Variants in UCHL5 observed in about 807,000 individuals in gnomAD.
UCHL5 encodes ubiquitin carboxyl-terminal hydrolase isozyme L5.
In UCHL5, 34 loss-of-function variants were observed where a neutral mutation model predicts 53.8. The observed-to-expected ratio is 0.63, with a 90% CI of 0.48 to 0.84. The LOEUF (loss-of-function observed/expected upper bound fraction) is 0.84. Among genes scored for constraint, UCHL5 ranks in the 40% least tolerant of loss-of-function variants. UCHL5 has a pLI of 0.00. For synonymous variants in UCHL5, 111 were observed against 126.3 expected, an observed-to-expected ratio of 0.88 and a Z score of 0.81; for missense variants, 290 against 385.6, an observed-to-expected ratio of 0.75 and a Z score of 2.08.
At chr1:193,020,346 T>C (rs774017751) in intron 10 of UCHL5, 11 of 1,547,274 alleles carry the variant, frequency 7.1e-6, no homozygotes, top group Non-Finnish European at 9.6e-6. Context: ...CAAAATTTTA[T>C]TTGCCTAGTA....
At chr1:193,026,060 C>T (rs141893304) in intron 7 of UCHL5, among the ~76,000 whole-genome samples, 1,711 of 147,488 alleles carry the variant, frequency 0.012, 15 homozygotes, top group South Asian at 0.034. Context: ...TTTGAACCAC[C>T]GGTGCCTGAG....
At chr1:193,033,822 T>C (rs1662404718) in intron 3 of UCHL5, among the ~76,000 whole-genome samples, 1 of 152,104 alleles carries the variant, frequency 6.6e-6, no homozygotes, top group Non-Finnish European at 1.5e-5. Context: ...GAAATTTTAA[T>C]AGGGGTTTGA....
At chr1:193,049,904 C>A in intron 2 of UCHL5, 53 bp from the exon 3 acceptor site, 1 of 1,421,302 alleles carries the variant, frequency 7.0e-7, no homozygotes, top group Non-Finnish European at 9.5e-7. Context: ...TTTCATAATA[C>A]ATTGTTAATC....
chr1:193,033,606 T>G (rs1662310486), intron 3 of UCHL5, among the ~76,000 whole-genome samples: 1 of 152,016 alleles, frequency 6.6e-6, no homozygotes, highest in Admixed American at 6.6e-5. Flanking sequence ...AATTTTAAAT[T>G]TTTTAATAGT....
At chr1:193,024,930 T>C (rs1222505685) in intron 7 of UCHL5, among the ~76,000 whole-genome samples, 3 of 152,168 alleles carry the variant, frequency 2.0e-5, no homozygotes, top group Non-Finnish European at 4.4e-5. Flanking sequence ...TCCCTATCCC[T>C]GCCAGTAAGT....
chr1:193,053,550 A>G (rs1299090287), intron 1 of UCHL5, among the ~76,000 whole-genome samples: 2 of 152,248 alleles, frequency 1.3e-5, no homozygotes, highest in Non-Finnish European at 2.9e-5. Context: ...CGCTGATTCC[A>G]GAGACCTACA....
At position 193,059,133 on chromosome 1, in the gene UCHL5, CT is replaced by C. The variant is rs1480216743; in HGVS notation, c.76+51del. The stretch of plus-strand genomic sequence containing the variant: ...CCGCAGGGAACCACTCCATGCCCAG[CT>C]TGGGCCTCCTCCCGTGACCCCAGGC... On this transcript the variant is annotated intron_variant, in intron 1 of 10. Coordinates refer to ENST00000367454, the MANE Select transcript of UCHL5 (RefSeq NM_001199261.3). This position sits in a 1 kb window ranked among gnomAD's most constrained non-coding sequence, Gnocchi z 4.9. 7 of 1,485,106 alleles carry C rather than the reference CT, an allele frequency of 4.7e-6. No individual in the cohort carries two copies. Among genetic ancestry groups the C allele is most frequent in the Non-Finnish European group, 6.3e-6 (7 of 1,111,210 alleles). 92.0% of individuals were successfully genotyped at this position (1,485,106 alleles called of 1,614,324 possible).
At chr1:193,059,747 C>T (rs959864589), upstream of UCHL5, 6 of 1,354,654 alleles carry the variant, frequency 4.4e-6, no homozygotes, top group Admixed American at 2.0e-5. This position sits in a 1 kb window ranked among gnomAD's most constrained non-coding sequence, Gnocchi z 4.9. Flanking sequence ...GGCGGCGCTG[C>T]GGATCCAGGG....
chr1:193,021,020 A>C (rs2102302401), intron 10 of UCHL5, 77 bp downstream of exon 10: 1 of 1,162,570 alleles, frequency 8.6e-7, no homozygotes, highest in South Asian at 1.4e-5. Flanking sequence ...CCTCTATTCA[A>C]GCAAAAAATA....
chr1:193,036,906 AT>A (rs1663714251), intron 3 of UCHL5, among the ~76,000 whole-genome samples: 4 of 152,054 alleles, frequency 2.6e-5, no homozygotes, highest in African/African-American at 9.7e-5. Flanking sequence ...TAAATGATGA[AT>A]AGGCCAATAA....
Position 193,050,306 on chromosome 1 carries a change from C to T in UCHL5, c.141-455G>A, listed in dbSNP as rs550422370. ...CCTCATATTGCAGTATGAATTGATG[C>T]TACCATCTCATACATAATGAAATCA... On this transcript the variant is annotated intron_variant, in intron 2 of 10. Transcript: ENST00000367454. Among the ~76,000 whole-genome samples the T allele has an allele frequency of 5.8e-4, 89 of 152,260 alleles. 1 individual carries two copies. Among genetic ancestry groups the T allele is most frequent in the Middle Eastern group, 3.4e-3 (1 of 294 alleles).
chr1:193,053,894 A>G (rs889829594), intron 1 of UCHL5, among the ~76,000 whole-genome samples: 4 of 152,196 alleles, frequency 2.6e-5, no homozygotes, highest in African/African-American at 9.7e-5. Context: ...AAATGTCACA[A>G]TCTGGTAGGA....
intron 10 of UCHL5, chr1:193,020,545 C>T: frequency 7.8e-7 from 1 of 1,280,996 alleles, no homozygotes; most frequent in South Asian, 2.4e-5. Flanking sequence ...AACTTAAAAA[C>T]AATTTAACTG....
chr1:193,027,973 G>GA lies in UCHL5; in HGVS notation c.629+111dup, dbSNP rs749245426. ...ACCCGTCTCTACGAAAAATTAAAAA[G>GA]AAAAAAAAAAGTAGATGTTCAATGC... On this transcript the variant is annotated intron_variant, in intron 7 of 10. Coordinates refer to ENST00000367454, the MANE Select transcript of UCHL5 (RefSeq NM_001199261.3). 10,074 of 1,301,718 alleles carry GA rather than the reference G, an allele frequency of 7.7e-3. 1 individual carries two copies. Among genetic ancestry groups the GA allele is most frequent in the East Asian group, 0.022 (730 of 32,490 alleles). The allele number at this position is 1,301,718 out of a possible 1,614,324, so 80.6% of individuals were successfully genotyped here. A position where few individuals can be genotyped will look rare whatever the true frequency, so the allele number is the denominator to read the frequency against.
intron 3 of UCHL5, among the ~76,000 whole-genome samples, chr1:193,043,645 G>C (rs879505369): frequency 2.0e-4 from 31 of 151,922 alleles, no homozygotes; most frequent in Non-Finnish European, 4.1e-4. Context: ...TTAGGGTGGG[G>C]GTATTGGGTC....
chr1:193,032,026 TTC>T lies in UCHL5; in HGVS notation c.247-2371_247-2370del, dbSNP rs1340820819. Among the ~76,000 whole-genome samples the T allele has an allele frequency of 2.0e-5, 3 of 152,314 alleles. No individual in the cohort carries two copies. The East Asian group carries it at 5.8e-4, about 29-fold the overall frequency. ...CAGAACCTTAAGAGTTTGGTTTGAA[TTC>T]CTACGCCAGGGTATATAGTCTTTAG... On this transcript the variant is annotated intron_variant, in intron 3 of 10. Transcript: ENST00000367454.
At chr1:193,052,566 G>A (rs1006366241) in intron 1 of UCHL5, among the ~76,000 whole-genome samples, 2 of 152,180 alleles carry the variant, frequency 1.3e-5, no homozygotes, top group African/African-American at 4.8e-5. Flanking sequence ...GCGTACAGTA[G>A]TAATCGTGTA....
intron 3 of UCHL5, among the ~76,000 whole-genome samples, chr1:193,032,761 C>A (rs545185681): frequency 1.3e-5 from 2 of 152,142 alleles, no homozygotes; most frequent in Non-Finnish European, 2.9e-5. Flanking sequence ...ATGTGGCCAA[C>A]AAACATATGA....
upstream of UCHL5, chr1:193,059,908 C>T (rs1221319040): frequency 5.9e-6 from 8 of 1,365,814 alleles, no homozygotes; most frequent in Admixed American, 1.3e-4. This position sits in a 1 kb window ranked among gnomAD's most constrained non-coding sequence, Gnocchi z 4.9. Flanking sequence ...GAAACTATCG[C>T]TCTTCCCCGT....
Sources: allele counts gnomAD v4.1 joint callset (sites outside exome capture counted in the v4.1 genomes callset), GRCh38; gene constraint gnomAD v4.1.1; non-coding constraint Gnocchi (gnomAD v3.1); transcripts MANE v1.5; gene names NCBI Gene and HGNC (gene_info 2026-07-23, HGNC 2026-07-21).